STRBP: variants seen among roughly 807,000 people sequenced by gnomAD.
STRBP encodes the protein spermatid perinuclear RNA binding protein, also known as spermatid perinuclear RNA-binding protein.
Under a neutral mutation model 80.1 loss-of-function variants are expected in STRBP, and 13 were observed. The observed-to-expected ratio is 0.16, with a 90% CI of 0.11 to 0.26. The LOEUF (loss-of-function observed/expected upper bound fraction) is 0.26, where lower values mean the gene tolerates loss of function less well. STRBP is among the 10% of genes least tolerant of loss of function. The pLI is 1.00. For synonymous variants in STRBP, 284 were observed against 291.2 expected (o/e 0.98, Z 0.25); for missense variants, 485 against 815.2 (o/e 0.59, Z 4.93).
chr9:123,134,099 G>A (rs892305680), intron 16 of STRBP, among the ~76,000 whole-genome samples: 35 of 151,978 alleles, frequency 2.3e-4, no homozygotes, highest in Admixed American at 2.1e-3. Flanking sequence ...ACAGTAAACA[G>A]GACTGTTGAA....
At position 123,115,282 on chromosome 9, in the gene STRBP, T is replaced by C. The variant is rs1288143332; in HGVS notation, c.*84+647A>G. 8.5e-6 allele frequency: 4 copies of C among 471,164 alleles called. No homozygotes were observed. Among genetic ancestry groups the C allele is most frequent in the South Asian group, 4.6e-5 (3 of 64,564 alleles). The allele number at this position is 471,164 out of a possible 1,614,324, so 29.2% of individuals were successfully genotyped here. On this transcript the variant is annotated intron_variant and NMD_transcript_variant, in intron 3 of 3. Coordinates refer to the STRBP transcript ENST00000471564. The surrounding 1 kb of genome is among the most constrained non-coding windows in gnomAD (Gnocchi z 5.0). ...TGGCTCAGTGGGAAGCCTATCGCTCTTGGTAAATTACTCAGTAAGCACTTC... is the reference window on the plus strand; with the variant it reads ...TGGCTCAGTGGGAAGCCTATCGCTCCTGGTAAATTACTCAGTAAGCACTTC...
chr9:123,128,355 G>A, intron 17 of STRBP, 97 bp from the exon 18 acceptor site: 1 of 1,376,804 alleles, frequency 7.3e-7, no homozygotes, highest in Non-Finnish European at 1.0e-6. Flanking sequence ...CCTGGGCCCG[G>A]AGGACTTCTT....
chr9:123,146,842 A>G lies in STRBP; in HGVS notation c.1338+13T>C, dbSNP rs746428680. On this transcript the variant is annotated intron_variant, in intron 13 of 18. Transcript: ENST00000348403. ...AAATAAGAAAGCATTGCAAAGTAAAACAAATACTGTACCTTCACCGCTACG... is the reference window on the plus strand; with the variant it reads ...AAATAAGAAAGCATTGCAAAGTAAAGCAAATACTGTACCTTCACCGCTACG... 6.3e-7 allele frequency: 1 copy of G among 1,589,706 alleles called. No individual in the cohort carries two copies. The highest frequency in any genetic ancestry group is 8.6e-7 in the Non-Finnish European group (1 of 1,163,496).
Position 123,173,776 on chromosome 9 carries a change from A to T in STRBP, c.291T>A (p.Ile97=), listed in dbSNP as rs2038106404. 2 of 1,614,030 alleles carry T rather than the reference A, an allele frequency of 1.2e-6. No homozygotes were observed. The highest frequency in any genetic ancestry group is 1.7e-6 in the Non-Finnish European group (2 of 1,179,936). ...CCAGCTCCAAGTCCATATCATCTTTAATCAGCAAGCCTTTTGCAACCAGGC... is the reference window on the plus strand; with the variant it reads ...CCAGCTCCAAGTCCATATCATCTTTTATCAGCAAGCCTTTTGCAACCAGGC... The part of the protein sequence containing the change: ...RIGLVAKGLL[I]KDDMDLELVL... The change falls in exon 5 of 19, where the codon ATT becomes ATA. Residue 97 remains isoleucine, a synonymous_variant. Coordinates refer to ENST00000348403, the MANE Select transcript of STRBP (RefSeq NM_018387.5).
intron 13 of STRBP, among the ~76,000 whole-genome samples, chr9:123,143,550 G>A (rs1044083015): frequency 1.3e-5 from 2 of 152,146 alleles, no homozygotes; most frequent in African/African-American, 2.4e-5. Context: ...ATTCTTTCTC[G>A]CTCAATTATA....
At chr9:123,232,528 G>C in intron 2 of STRBP, among the ~76,000 whole-genome samples, 1 of 152,228 alleles carries the variant, frequency 6.6e-6, no homozygotes, top group South Asian at 2.1e-4. Flanking sequence ...TCACAAAAGT[G>C]AGCTTCCAAC....
At chr9:123,189,151 C>G (rs985620797) in intron 2 of STRBP, among the ~76,000 whole-genome samples, 1 of 151,776 alleles carries the variant, frequency 6.6e-6, no homozygotes, top group Non-Finnish European at 1.5e-5. Context: ...GAGCTCATGT[C>G]CTTTGCAGGG....
At chr9:123,203,589 C>T (rs1661750310) in intron 2 of STRBP, among the ~76,000 whole-genome samples, 1 of 152,086 alleles carries the variant, frequency 6.6e-6, no homozygotes, top group Non-Finnish European at 1.5e-5. Context: ...TGCTAGTTTG[C>T]CCCCAATATC....
chr9:123,230,880 G>A (rs2040379439), intron 2 of STRBP, among the ~76,000 whole-genome samples: 1 of 152,144 alleles, frequency 6.6e-6, no homozygotes, highest in African/African-American at 2.4e-5. Context: ...TAAATTTCTG[G>A]TATTAGTAGG....
chr9:123,188,858 T>G (rs1051424168), intron 2 of STRBP, among the ~76,000 whole-genome samples: 5 of 152,178 alleles, frequency 3.3e-5, no homozygotes, highest in African/African-American at 1.2e-4. Flanking sequence ...AACCTTCAAT[T>G]TTGTTAATAC....
intron 2 of STRBP, among the ~76,000 whole-genome samples, chr9:123,197,667 C>T (rs1022918140): frequency 9.3e-4 from 81 of 87,340 alleles, no homozygotes; most frequent in South Asian, 1.8e-3. Context: ...AAACATATTT[C>T]TTTTTTTTTT....
intron 11 of STRBP, among the ~76,000 whole-genome samples, 194 bp from the exon 12 acceptor site, chr9:123,148,064 A>G (rs1341101028): frequency 6.6e-6 from 1 of 152,196 alleles, no homozygotes; most frequent in Non-Finnish European, 1.5e-5. Flanking sequence ...TCTTGAAACA[A>G]TATTATCACT....
intron 2 of STRBP, among the ~76,000 whole-genome samples, chr9:123,199,528 C>T (rs1382179851): frequency 1.3e-5 from 2 of 152,112 alleles, no homozygotes; most frequent in East Asian, 3.8e-4. Context: ...GATGTGTTTC[C>T]ATTTGTTTGT....
intron 4 of STRBP, among the ~76,000 whole-genome samples, chr9:123,177,625 T>C (rs761372872): frequency 9.2e-5 from 14 of 152,142 alleles, no homozygotes; most frequent in Non-Finnish European, 1.3e-4. Flanking sequence ...CATATTATCC[T>C]GTACAAGTCT....
rs1371814961 is a variant in STRBP at position 123,155,628 on chromosome 9, G to A, written c.1045+2384C>T. Among the ~76,000 whole-genome samples, 9 of 152,170 alleles carry A rather than the reference G, an allele frequency of 5.9e-5. No individual in the cohort carries two copies. In the East Asian group the frequency reaches 1.7e-3, roughly 29 times the overall value. On this transcript the variant is annotated intron_variant, in intron 11 of 18. Transcript: ENST00000348403. ...GATTCAAGAGCTGAAATAAGGGTAG[G>A]AGACACAGTAATGACAAGAGATTGG... is the stretch of plus-strand genomic sequence containing the variant.
chr9:123,267,224 C>T (rs1317347314), intron 1 of STRBP, among the ~76,000 whole-genome samples: 2 of 151,556 alleles, frequency 1.3e-5, no homozygotes, highest in Non-Finnish European at 2.9e-5. Context: ...GAACCCCTCA[C>T]CCTCCGTCCT....
intron 2 of STRBP, among the ~76,000 whole-genome samples, chr9:123,189,298 A>G (rs1014193082): frequency 1.2e-4 from 11 of 88,236 alleles, no homozygotes; most frequent in Non-Finnish European, 2.0e-4. Context: ...ATCACATACC[A>G]GGGCCTGTTG....
At chr9:123,250,118 G>T (rs947291963) in intron 1 of STRBP, among the ~76,000 whole-genome samples, 2 of 152,164 alleles carry the variant, frequency 1.3e-5, no homozygotes, top group African/African-American at 4.8e-5. Flanking sequence ...TCAAGTTTTG[G>T]TGTAGTATCA....
At chr9:123,118,846 C>T (rs147041887), downstream of STRBP, among the ~76,000 whole-genome samples, 1 of 152,288 alleles carries the variant, frequency 6.6e-6, no homozygotes, top group Non-Finnish European at 1.5e-5. Context: ...TGCAGAGGCT[C>T]CTGAAGTCTT....
Sources: gnomAD v4.1 joint callset for allele counts (sites outside exome capture counted in the v4.1 genomes callset) on GRCh38, gnomAD v4.1.1 for gene constraint, Gnocchi (gnomAD v3.1) non-coding constraint, MANE v1.5 for transcripts, NCBI Gene and HGNC (gene_info 2026-07-23, HGNC 2026-07-21) for gene names.